NGEF: variants seen among roughly 807,000 people sequenced by gnomAD.
NGEF encodes the protein neuronal guanine nucleotide exchange factor.
Under a neutral mutation model 80.9 loss-of-function variants are expected in NGEF, and 31 were observed. That is an observed-to-expected ratio of 0.38 (90% CI 0.29 to 0.52). NGEF has a LOEUF of 0.52. Among genes scored for constraint, NGEF ranks in the 20% least tolerant of loss-of-function variants. The pLI, the probability that NGEF is intolerant of heterozygous loss-of-function variation, is 0.84. For missense variants in NGEF, 709 were observed against 926.2 expected (o/e 0.77, Z 3.04); for synonymous variants, 371 against 370.2 (o/e 1.00, Z -0.03).
At chr2:232,904,764 C>T (rs1272331030) in intron 5 of NGEF, among the ~76,000 whole-genome samples, 1 of 152,042 alleles carries the variant, frequency 6.6e-6, no homozygotes, top group Non-Finnish European at 1.5e-5. Context: ...GGCGAAACAG[C>T]AAGACCCCAT....
chr2:232,972,657 C>T (rs1269534915), intron 2 of NGEF, among the ~76,000 whole-genome samples: 1 of 151,750 alleles, frequency 6.6e-6, no homozygotes, highest in Non-Finnish European at 1.5e-5. Flanking sequence ...CCTTGAAATG[C>T]CTGCCTAGCA....
In NGEF at chr2:232,891,342, G is replaced by A; in HGVS notation, c.1272+16C>T. 1 of 1,613,034 alleles carries A rather than the reference G, an allele frequency of 6.2e-7. No homozygotes were observed. Among genetic ancestry groups the A allele is most frequent in the Non-Finnish European group, 8.5e-7 (1 of 1,179,652 alleles). ...CTGGGAAGCCCCGTCTGTGGGTCAG[G>A]TGGAGGAGGCTGTACCTGGACCAAC... On this transcript the variant is annotated intron_variant, in intron 8 of 14. Coordinates refer to ENST00000264051, the MANE Select transcript of NGEF (RefSeq NM_019850.3).
chr2:232,984,950 G>A (rs1325129486), intron 1 of NGEF, among the ~76,000 whole-genome samples: 2 of 152,128 alleles, frequency 1.3e-5, no homozygotes, highest in Non-Finnish European at 2.9e-5. Context: ...ACGAAAAGCA[G>A]GCAAATTAGG....
intron 5 of NGEF, among the ~76,000 whole-genome samples, chr2:232,900,036 ACT>A (rs1483496556): frequency 5.0e-5 from 6 of 120,564 alleles, no homozygotes; most frequent in African/African-American, 1.4e-4. Flanking sequence ...ACTCACATTC[ACT>A]CACACACACA....
chr2:232,975,956 T>A (rs1694283319), intron 1 of NGEF, among the ~76,000 whole-genome samples: 1 of 152,184 alleles, frequency 6.6e-6, no homozygotes, highest in Admixed American at 6.5e-5. Flanking sequence ...ATCCTAGCAC[T>A]TTGGGAGGCC....
Position 232,898,958 on chromosome 2 carries a change from GTGTGTGTGAATGCA to G in NGEF, c.829-4056_829-4043del, listed in dbSNP as rs1289133851. 7.2e-5 allele frequency among the ~76,000 whole-genome samples: 11 copies of G among 151,788 alleles called. No homozygotes were observed. In the Middle Eastern group the frequency reaches 0.01, roughly 142 times the overall value. ...TGGCTGTGAGAGCATGTAAGTGAAT[GTGTGTGTGAATGCA>G]TGTGTGTGTGTGAATGTGAGTGTGA... On this transcript the variant is annotated intron_variant, in intron 5 of 14. Transcript: ENST00000264051.
chr2:232,986,399 A>G (rs1694532547), intron 1 of NGEF, among the ~76,000 whole-genome samples: 1 of 152,254 alleles, frequency 6.6e-6, no homozygotes, highest in Non-Finnish European at 1.5e-5. Flanking sequence ...TCTTGAAGAG[A>G]TATCTACACA....
chr2:232,984,038 A>G (rs1393568038), intron 1 of NGEF, among the ~76,000 whole-genome samples: 1 of 152,208 alleles, frequency 6.6e-6, no homozygotes, highest in East Asian at 1.9e-4. Flanking sequence ...GAGAAGTGGT[A>G]TGTCAAATGT....
chr2:232,893,907 A>G (rs1362265905), intron 6 of NGEF, among the ~76,000 whole-genome samples: 1 of 152,138 alleles, frequency 6.6e-6, no homozygotes, highest in East Asian at 1.9e-4. Flanking sequence ...TGCAAACAGA[A>G]GTGAGAGTGT....
At chr2:232,951,026 C>T (rs191069316) in intron 3 of NGEF, among the ~76,000 whole-genome samples, 8 of 152,190 alleles carry the variant, frequency 5.3e-5, no homozygotes, top group East Asian at 1.9e-4. Flanking sequence ...GTCCGGCATG[C>T]GGCTGGCTGT....
At chr2:232,889,216 G>C (rs114040399) in intron 8 of NGEF, among the ~76,000 whole-genome samples, 1 of 152,188 alleles carries the variant, frequency 6.6e-6, no homozygotes, top group Non-Finnish European at 1.5e-5. Context: ...TGAACAGCAC[G>C]GTTTAGACGC....
intron 3 of NGEF, among the ~76,000 whole-genome samples, chr2:232,934,241 C>CAAAAA (rs11329977): frequency 4.0e-5 from 4 of 98,818 alleles, no homozygotes; most frequent in Admixed American, 1.1e-4. Context: ...GACTGCATCT[C>CAAAAA]AAAAAAAAAA....
intron 3 of NGEF, among the ~76,000 whole-genome samples, chr2:232,966,844 C>A (rs1336355614): frequency 1.3e-5 from 2 of 152,038 alleles, no homozygotes; most frequent in Non-Finnish European, 2.9e-5. Flanking sequence ...TGTTGATACC[C>A]TCCAGTGAGG....
intron 3 of NGEF, among the ~76,000 whole-genome samples, chr2:232,933,656 G>C (rs1693264972): frequency 6.6e-6 from 1 of 152,196 alleles, no homozygotes; most frequent in Non-Finnish European, 1.5e-5. Context: ...TGAGCTTGGT[G>C]GTGGGCACTG....
chr2:232,995,065 A>G lies in NGEF; in HGVS notation c.-75+18003T>C, dbSNP rs868070000. ...TATGTATACTGTATATATGTACAGT[A>G]TGTATACTGTATATGTGTACAGTAT... is the stretch of plus-strand genomic sequence containing the variant. On this transcript the variant is annotated intron_variant, in intron 1 of 14. Coordinates refer to ENST00000264051, the MANE Select transcript of NGEF (RefSeq NM_019850.3). 1.1e-4 allele frequency among the ~76,000 whole-genome samples: 14 copies of G among 125,264 alleles called. 4 individuals are homozygous for G. Among genetic ancestry groups the G allele is most frequent in the African/African-American group, 5.2e-4 (13 of 25,036 alleles). The allele number at this position is 125,264 out of a possible 152,430, so 82.2% of individuals were successfully genotyped here.
At chr2:232,881,684 G>A (rs530067949) in intron 13 of NGEF, among the ~76,000 whole-genome samples, 5 of 152,266 alleles carry the variant, frequency 3.3e-5, no homozygotes, top group South Asian at 2.1e-4. Flanking sequence ...CCAGGTTCAA[G>A]GAATTCTCAT....
At chr2:233,008,150 C>A (rs1351475471) in intron 1 of NGEF, among the ~76,000 whole-genome samples, 1 of 152,172 alleles carries the variant, frequency 6.6e-6, no homozygotes, top group Non-Finnish European at 1.5e-5. Flanking sequence ...AAATTTTTCA[C>A]CCCATTGGTG....
intron 1 of NGEF, among the ~76,000 whole-genome samples, chr2:232,987,608 G>A (rs1694558890): frequency 6.6e-6 from 1 of 152,114 alleles, no homozygotes; most frequent in Admixed American, 6.5e-5. Flanking sequence ...GGAACCCATG[G>A]GCCCATTCCA....
At chr2:232,989,883 T>C (rs1028078603) in intron 1 of NGEF, among the ~76,000 whole-genome samples, 4 of 152,160 alleles carry the variant, frequency 2.6e-5, no homozygotes, top group Non-Finnish European at 4.4e-5. Flanking sequence ...TGTAGGTCAG[T>C]TGACAAAGTT....
Sources: gnomAD v4.1 joint callset for allele counts (sites outside exome capture counted in the v4.1 genomes callset) on GRCh38, gnomAD v4.1.1 for gene constraint, MANE v1.5 for transcripts, NCBI Gene and HGNC (gene_info 2026-07-23, HGNC 2026-07-21) for gene names.